AIG1: variants seen among roughly 807,000 people sequenced by gnomAD.
AIG1 encodes androgen induced 1.
In AIG1, 23 loss-of-function variants were observed where a neutral mutation model predicts 31.4. That is an observed-to-expected ratio of 0.73 (90% CI 0.53 to 1.04). The LOEUF (loss-of-function observed/expected upper bound fraction) is 1.04. AIG1 is among the 50% of genes least tolerant of loss of function. AIG1 has a pLI of 0.00. For missense variants in AIG1, 274 were observed against 295.0 expected, an observed-to-expected ratio of 0.93 and a Z score of 0.52; for synonymous variants, 100 against 110.5, an observed-to-expected ratio of 0.90 and a Z score of 0.60.
At chr6:143,136,004 A>G (rs1004371575) in intron 1 of AIG1, among the ~76,000 whole-genome samples, 4 of 152,176 alleles carry the variant, frequency 2.6e-5, no homozygotes, top group Non-Finnish European at 4.4e-5. Flanking sequence ...GCATTACAGT[A>G]TGCTGCCTGC....
intron 1 of AIG1, among the ~76,000 whole-genome samples, chr6:143,095,620 A>T (rs1779693676): frequency 6.6e-6 from 1 of 152,154 alleles, no homozygotes; most frequent in African/African-American, 2.4e-5. Flanking sequence ...TTTGAGGCAA[A>T]AATTGTCTTC....
intron 3 of AIG1, among the ~76,000 whole-genome samples, chr6:143,178,647 G>T (rs1788420308): frequency 1.3e-5 from 2 of 152,180 alleles, no homozygotes; most frequent in African/African-American, 4.8e-5. Flanking sequence ...CCCCAGAGGG[G>T]CTTTGTCACT....
chr6:143,179,446 G>A (rs115086809), intron 3 of AIG1, among the ~76,000 whole-genome samples: 1,981 of 152,188 alleles, frequency 0.013, 48 homozygotes, highest in African/African-American at 0.044. Context: ...AGTGTATCAC[G>A]ACACCATTTC....
intron 1 of AIG1, among the ~76,000 whole-genome samples, chr6:143,098,896 C>T (rs1182528437): frequency 6.6e-6 from 1 of 152,114 alleles, no homozygotes; most frequent in Non-Finnish European, 1.5e-5. Flanking sequence ...CTGTATTTAG[C>T]TCTTGAAAGT....
intron 1 of AIG1, among the ~76,000 whole-genome samples, chr6:143,116,592 A>C (rs988560302): frequency 6.6e-6 from 1 of 151,304 alleles, no homozygotes; most frequent in Non-Finnish European, 1.5e-5. Flanking sequence ...ATGTTTACAG[A>C]GAGTGGCAGG....
chr6:143,243,532 T>C (rs889113728), intron 3 of AIG1, among the ~76,000 whole-genome samples: 1 of 152,212 alleles, frequency 6.6e-6, no homozygotes, highest in Admixed American at 6.5e-5. Context: ...TATCATAGAC[T>C]ACAAAATGCC....
chr6:143,320,556 A>G (rs1332135821), intron 4 of AIG1, among the ~76,000 whole-genome samples: 2 of 152,218 alleles, frequency 1.3e-5, no homozygotes, highest in Non-Finnish European at 2.9e-5. Context: ...ATTTGCTAAA[A>G]TGTGGATTAA....
chr6:143,114,772 T>C (rs1781597385), intron 1 of AIG1, among the ~76,000 whole-genome samples: 1 of 152,254 alleles, frequency 6.6e-6, no homozygotes, highest in Non-Finnish European at 1.5e-5. Flanking sequence ...GCTTTATTTC[T>C]AAATCATTAT....
At chr6:143,194,805 G>A (rs1391281965) in intron 3 of AIG1, among the ~76,000 whole-genome samples, 3 of 152,242 alleles carry the variant, frequency 2.0e-5, no homozygotes, top group Middle Eastern at 6.8e-3. Flanking sequence ...TCCCGCAGCA[G>A]CACCCCAAGG....
chr6:143,075,554 A>G (rs554240803), intron 1 of AIG1, among the ~76,000 whole-genome samples: 48 of 152,048 alleles, frequency 3.2e-4, no homozygotes, highest in Non-Finnish European at 6.6e-4. Flanking sequence ...AATCCACCCC[A>G]CTCAGCCTCC....
intron 3 of AIG1, among the ~76,000 whole-genome samples, chr6:143,266,131 C>A (rs562170344): frequency 6.6e-6 from 1 of 152,182 alleles, no homozygotes; most frequent in East Asian, 1.9e-4. Flanking sequence ...AGGTGGATCA[C>A]GAGGTCAGGA....
chr6:143,320,490 G>T (rs1195214034), intron 4 of AIG1, among the ~76,000 whole-genome samples: 1 of 152,158 alleles, frequency 6.6e-6, no homozygotes, highest in African/African-American at 2.4e-5. Flanking sequence ...TAAATAAAAG[G>T]TGTATAGACA....
intron 3 of AIG1, among the ~76,000 whole-genome samples, chr6:143,250,855 A>G (rs562532927): frequency 1.3e-5 from 2 of 152,150 alleles, no homozygotes; most frequent in Non-Finnish European, 2.9e-5. Context: ...ATCAGCAATC[A>G]TTAGTGTATT....
intron 3 of AIG1, among the ~76,000 whole-genome samples, chr6:143,169,676 A>T (rs1787307748): frequency 6.6e-6 from 1 of 152,082 alleles, no homozygotes; most frequent in African/African-American, 2.4e-5. Context: ...TTTTAGCTCC[A>T]TCTTATTCCA....
rs1786038691 is a variant in AIG1 at position 143,158,753 on chromosome 6, C to T, written c.298-6329C>T. Among the ~76,000 whole-genome samples the T allele has an allele frequency of 2.0e-5, 3 of 152,076 alleles. No individual in the cohort carries two copies. The South Asian group carries it at 6.2e-4, about 32-fold the overall frequency. ...TTACACACAGAAGGACAAAAATCCA[C>T]AGGGAACATACAGGAGGAATTTTAG... On this transcript the variant is annotated intron_variant, in intron 2 of 5. Transcript: ENST00000357847.
At chr6:143,126,715 A>G (rs2128507177) in intron 1 of AIG1, among the ~76,000 whole-genome samples, 1 of 152,350 alleles carries the variant, frequency 6.6e-6, no homozygotes, top group Middle Eastern at 3.4e-3. Context: ...GCTATAAAGT[A>G]CCTCATGATA....
chr6:143,128,128 T>G (rs1211234965), intron 1 of AIG1, among the ~76,000 whole-genome samples: 1 of 152,190 alleles, frequency 6.6e-6, no homozygotes, highest in Admixed American at 6.5e-5. Flanking sequence ...AGTGTAATAG[T>G]TTAGTGCATT....
intron 3 of AIG1, among the ~76,000 whole-genome samples, chr6:143,185,942 G>A (rs1789220182): frequency 6.6e-6 from 1 of 152,132 alleles, no homozygotes; most frequent in Non-Finnish European, 1.5e-5. Flanking sequence ...TAGTCTTTCA[G>A]TGATTCATCA....
intron 3 of AIG1, among the ~76,000 whole-genome samples, chr6:143,172,358 T>G (rs1787719197): frequency 6.6e-6 from 1 of 152,220 alleles, no homozygotes; most frequent in African/African-American, 2.4e-5. Context: ...GTTCACATGG[T>G]GCATCACATT....
Sources: allele counts gnomAD v4.1 joint callset (sites outside exome capture counted in the v4.1 genomes callset), GRCh38; gene constraint gnomAD v4.1.1; transcripts MANE v1.5; gene names NCBI Gene and HGNC (gene_info 2026-07-23, HGNC 2026-07-21).